The following FMN2 variants were observed in gnomAD, a reference collection of about 807,000 sequenced individuals.
FMN2 encodes formin 2, also known as formin-2.
In FMN2, 51 loss-of-function variants were observed where a neutral mutation model predicts 142.3. The observed-to-expected ratio is 0.36, with a 90% CI of 0.29 to 0.45. The LOEUF is 0.45. FMN2 is among the 20% of genes least tolerant of loss of function. FMN2 has a pLI of 1.00. For missense variants in FMN2, 1,936 were observed against 2,122.8 expected (o/e 0.91, Z 1.73); for synonymous variants, 882 against 869.8 (o/e 1.01, Z -0.25).
chr1:240,136,749 T>A (rs967814068), intron 2 of FMN2, among the ~76,000 whole-genome samples: 5 of 152,130 alleles, frequency 3.3e-5, no homozygotes, highest in African/African-American at 1.2e-4. Context: ...GACCTCCTTT[T>A]CCTTTTCTCA....
intron 1 of FMN2, among the ~76,000 whole-genome samples, chr1:240,111,366 AG>A (rs2103195206): frequency 6.6e-6 from 1 of 152,336 alleles, no homozygotes; most frequent in Non-Finnish European, 1.5e-5. Flanking sequence ...TTATTAAGAA[AG>A]TAAAGGAATA....
At chr1:240,194,669 T>G (rs1489341683) in intron 4 of FMN2, among the ~76,000 whole-genome samples, 2 of 152,210 alleles carry the variant, frequency 1.3e-5, no homozygotes, top group African/African-American at 4.8e-5. Flanking sequence ...GCTGAAACAG[T>G]AAGTTGTTTT....
At chr1:240,405,344 C>T (rs1049889226) in intron 15 of FMN2, among the ~76,000 whole-genome samples, 1 of 152,276 alleles carries the variant, frequency 6.6e-6, no homozygotes, top group South Asian at 2.1e-4. Flanking sequence ...TTAGGCCGGG[C>T]GCGGTGCCTC....
intron 16 of FMN2, among the ~76,000 whole-genome samples, chr1:240,455,289 A>G (rs199748909): frequency 9.7e-5 from 1 of 10,268 alleles, no homozygotes; most frequent in Non-Finnish European, 3.3e-4. Context: ...CAGGAGGGTT[A>G]GTTACTTCAG....
At position 240,388,880 on chromosome 1, in the gene FMN2, G is replaced by C. The variant is rs547768221; in HGVS notation, c.4859-3631G>C. The stretch of plus-strand genomic sequence containing the variant: ...TCCATCTCAAAAAAAAAAAAAAAGG[G>C]GGGGGGTCAAGCATTGCTGGGCGAC... On this transcript the variant is annotated intron_variant, in intron 14 of 17. Coordinates refer to ENST00000319653, the MANE Select transcript of FMN2 (RefSeq NM_020066.5). Among the ~76,000 whole-genome samples the C allele has an allele frequency of 3.5e-3, 537 of 151,310 alleles. 3 individuals are homozygous for C. The highest frequency in any genetic ancestry group is 6.3e-3 in the Non-Finnish European group (429 of 67,826).
intron 15 of FMN2, among the ~76,000 whole-genome samples, chr1:240,428,634 G>T (rs757247405): frequency 6.6e-6 from 1 of 152,180 alleles, no homozygotes; most frequent in African/African-American, 2.4e-5. Flanking sequence ...TTTTCCTCGA[G>T]ACCTGGATTG....
chr1:240,370,275 A>G (rs1672819830), intron 14 of FMN2, among the ~76,000 whole-genome samples: 1 of 151,868 alleles, frequency 6.6e-6, no homozygotes, highest in African/African-American at 2.4e-5. Context: ...TTTGTTCTGA[A>G]ACTTTTTGAT....
chr1:240,162,915 CTG>C (rs1354120730), intron 2 of FMN2, among the ~76,000 whole-genome samples: 2 of 152,062 alleles, frequency 1.3e-5, no homozygotes, highest in Admixed American at 6.6e-5. Context: ...ACATGACTAA[CTG>C]TATCTCTAAA....
chr1:240,194,528 A>G (rs1298033545), intron 4 of FMN2, among the ~76,000 whole-genome samples: 2 of 152,210 alleles, frequency 1.3e-5, no homozygotes, highest in African/African-American at 4.8e-5. Flanking sequence ...CAGGAGACTC[A>G]GAAGTGAAAA....
intron 14 of FMN2, among the ~76,000 whole-genome samples, chr1:240,388,308 A>G (rs2103091893): frequency 6.6e-6 from 1 of 151,880 alleles, no homozygotes; most frequent in South Asian, 2.1e-4. Context: ...ATGATGAATA[A>G]AAGTTATTAC....
intron 8 of FMN2, among the ~76,000 whole-genome samples, chr1:240,314,935 G>A (rs765187338): frequency 3.3e-5 from 5 of 152,128 alleles, no homozygotes; most frequent in South Asian, 2.1e-4. Flanking sequence ...TGTTTCCTGC[G>A]CATTCACTCT....
chr1:240,369,033 C>T (rs961072501), intron 14 of FMN2, among the ~76,000 whole-genome samples: 3 of 151,548 alleles, frequency 2.0e-5, no homozygotes, highest in Non-Finnish European at 4.4e-5. Context: ...CACATAGGTA[C>T]CGTGTGTGCA....
At chr1:240,102,700 G>T (rs544562778) in intron 1 of FMN2, among the ~76,000 whole-genome samples, 1 of 152,162 alleles carries the variant, frequency 6.6e-6, no homozygotes, top group South Asian at 2.1e-4. Flanking sequence ...ATCTGTCTCT[G>T]TTCAATTTTT....
chr1:240,357,610 G>GT (rs11293253), intron 14 of FMN2, among the ~76,000 whole-genome samples: 19,517 of 138,318 alleles, frequency 0.14, 2,253 homozygotes, highest in African/African-American at 0.31. Context: ...AACCTTACGG[G>GT]TTTTTTTTTT....
intron 13 of FMN2, among the ~76,000 whole-genome samples, chr1:240,344,177 A>G (rs1157376347): frequency 6.6e-6 from 1 of 152,224 alleles, no homozygotes; most frequent in Non-Finnish European, 1.5e-5. Flanking sequence ...TTTGGAAACA[A>G]TTGTGATTTT....
intron 3 of FMN2, 127 bp downstream of exon 3, chr1:240,178,195 A>G: frequency 8.7e-7 from 1 of 1,148,776 alleles, no homozygotes; most frequent in Non-Finnish European, 1.1e-6. Context: ...TAATCTTCAA[A>G]AAGTTTTTAC....
At chr1:240,130,052 T>A (rs1662673922) in intron 2 of FMN2, among the ~76,000 whole-genome samples, 1 of 152,216 alleles carries the variant, frequency 6.6e-6, no homozygotes, top group Admixed American at 6.5e-5. Flanking sequence ...TCTCTACTTT[T>A]GCCTTCATTT....
chr1:240,413,376 T>C (rs1012839295), intron 15 of FMN2, among the ~76,000 whole-genome samples: 1 of 151,896 alleles, frequency 6.6e-6, no homozygotes, highest in African/African-American at 2.4e-5. Context: ...TAAAGGCTCA[T>C]AGGAGTGACA....
chr1:240,172,663 G>T (rs1664755003), intron 2 of FMN2, among the ~76,000 whole-genome samples: 1 of 152,014 alleles, frequency 6.6e-6, no homozygotes, highest in South Asian at 2.1e-4. Flanking sequence ...GCTTAGGGGG[G>T]AGCAATGAAT....
Sources: allele counts gnomAD v4.1 joint callset (sites outside exome capture counted in the v4.1 genomes callset), GRCh38; gene constraint gnomAD v4.1.1; transcripts MANE v1.5; gene names NCBI Gene and HGNC (gene_info 2026-07-23, HGNC 2026-07-21).